ZBTB7C: variants seen among roughly 807,000 people sequenced by gnomAD.
ZBTB7C encodes zinc finger and BTB domain-containing protein 7C.
ZBTB7C carries 8 observed loss-of-function variants against 25.7 expected under a neutral mutation model. The ratio of observed to expected loss-of-function variants is 0.31; its 90% confidence interval spans 0.18 to 0.56. ZBTB7C has a LOEUF of 0.56. Ranked by LOEUF, ZBTB7C falls within the 20% of genes least tolerant of loss-of-function variation. The probability of loss-of-function intolerance (pLI) is 0.91; values close to 1 mark genes in which losing one functional copy is unlikely to be tolerated. For missense variants in ZBTB7C, 824 were observed against 855.2 expected (o/e 0.96, Z 0.46); for synonymous variants, 394 against 369.0 (o/e 1.07, Z -0.78).
chr18:48,114,582 C>T (rs1041364054), intron 3 of ZBTB7C, among the ~76,000 whole-genome samples: 2 of 151,252 alleles, frequency 1.3e-5, no homozygotes, highest in African/African-American at 4.9e-5. Context: ...GCCTGGGCAA[C>T]AGAGAAAAAC....
chr18:48,396,279 T>C (rs926400667), intron 1 of ZBTB7C, among the ~76,000 whole-genome samples: 3 of 152,210 alleles, frequency 2.0e-5, no homozygotes, highest in South Asian at 2.1e-4. Flanking sequence ...TTGGAAATTA[T>C]CCAGATTAGG....
chr18:48,302,336 A>G (rs1164494731), intron 2 of ZBTB7C, among the ~76,000 whole-genome samples: 3 of 152,132 alleles, frequency 2.0e-5, no homozygotes, highest in African/African-American at 7.2e-5. Flanking sequence ...TCCCTTGGCC[A>G]TTTCCACTAA....
intron 2 of ZBTB7C, among the ~76,000 whole-genome samples, chr18:48,259,860 C>T (rs1407156673): frequency 1.3e-5 from 2 of 152,146 alleles, no homozygotes; most frequent in Admixed American, 6.5e-5. Context: ...ACTGCAAATA[C>T]GAAATGTCGA....
intron 2 of ZBTB7C, among the ~76,000 whole-genome samples, chr18:48,215,495 C>T (rs1435820838): frequency 3.9e-5 from 6 of 152,142 alleles, no homozygotes; most frequent in African/African-American, 1.4e-4. Context: ...CAACTTGAAG[C>T]AGTGAATTAC....
chr18:48,139,502 G>A (rs1230148081), intron 3 of ZBTB7C, among the ~76,000 whole-genome samples: 2 of 152,108 alleles, frequency 1.3e-5, no homozygotes, highest in Non-Finnish European at 2.9e-5. Context: ...GGAGTGTCTG[G>A]GTAGGCTATG....
intron 3 of ZBTB7C, among the ~76,000 whole-genome samples, chr18:48,053,422 T>G (rs2036776634): frequency 6.6e-6 from 1 of 152,226 alleles, no homozygotes; most frequent in South Asian, 2.1e-4. Context: ...TTCCTTCACC[T>G]TTGACTGAAT....
At chr18:48,387,722 C>T (rs1342680097) in intron 1 of ZBTB7C, among the ~76,000 whole-genome samples, 1 of 152,190 alleles carries the variant, frequency 6.6e-6, no homozygotes, top group Non-Finnish European at 1.5e-5. Context: ...TCAGAAGCGG[C>T]AAACCAGCTG....
intron 3 of ZBTB7C, among the ~76,000 whole-genome samples, chr18:48,164,538 G>T (rs1357560566): frequency 6.6e-6 from 1 of 152,170 alleles, no homozygotes; most frequent in Non-Finnish European, 1.5e-5. Flanking sequence ...CCATGGTTCA[G>T]ATCAAGTGCT....
intron 1 of ZBTB7C, among the ~76,000 whole-genome samples, chr18:48,367,175 T>TTTTATATATA (rs1247008733): frequency 1.1e-4 from 7 of 62,278 alleles, no homozygotes; most frequent in South Asian, 8.1e-4. Context: ...TCCCCAAGTT[T>TTTTATATATA]TATATATATA....
intron 2 of ZBTB7C, among the ~76,000 whole-genome samples, chr18:48,224,238 A>G (rs1483560529): frequency 6.6e-6 from 1 of 152,238 alleles, no homozygotes; most frequent in African/African-American, 2.4e-5. Flanking sequence ...CTATGCATCC[A>G]TACTCATAGG....
intron 3 of ZBTB7C, among the ~76,000 whole-genome samples, chr18:48,172,106 T>C (rs762689761): frequency 6.6e-6 from 1 of 152,146 alleles, no homozygotes; most frequent in Non-Finnish European, 1.5e-5. Context: ...CTGAAACCTA[T>C]TGTGTAGGCT....
chr18:48,029,107 C>T lies in ZBTB7C; in HGVS notation c.*153G>A, dbSNP rs1180944264. On this transcript the variant is annotated 3_prime_UTR_variant, in exon 5 of 5. Coordinates refer to ENST00000590800, the MANE Select transcript of ZBTB7C (RefSeq NM_001318841.2). ...AAAGGAGGCAGCTGCTTTAGGAGCC[C>T]GGGAAAATGCCATCACTGATAGTAT... 6.0e-6 allele frequency: 7 copies of T among 1,159,566 alleles called. No individual in the cohort carries two copies. Among genetic ancestry groups the T allele is most frequent in the Non-Finnish European group, 8.0e-6 (7 of 870,862 alleles). 71.8% of individuals were successfully genotyped at this position (1,159,566 alleles called of 1,614,324 possible).
intron 2 of ZBTB7C, among the ~76,000 whole-genome samples, chr18:48,307,859 A>T (rs2144776645): frequency 6.6e-6 from 1 of 152,258 alleles, no homozygotes; most frequent in African/African-American, 2.4e-5. Context: ...AAATAAATAA[A>T]TAAATAAATA....
chr18:48,318,584 G>A (rs1429712777), intron 2 of ZBTB7C, among the ~76,000 whole-genome samples: 1 of 152,224 alleles, frequency 6.6e-6, no homozygotes, highest in Non-Finnish European at 1.5e-5. Flanking sequence ...GCTCACAGGA[G>A]CCCAACACTG....
In ZBTB7C at chr18:48,027,299, T is replaced by C. The variant is rs980624973; in HGVS notation, c.*1961A>G. On this transcript the variant is annotated 3_prime_UTR_variant, in exon 5 of 5. Transcript: ENST00000590800. ...GAAAAATTGAGTTTATAAGAAGTCA[T>C]CACCTTTACAAAATAAAAACAAAAG... is the stretch of plus-strand genomic sequence containing the variant. 7 of 151,214 alleles carry C rather than the reference T, an allele frequency of 4.6e-5. No homozygotes were observed. The East Asian group carries it at 1.4e-3, about 29-fold the overall frequency. The allele number at this position is 151,214 out of a possible 1,614,324, so 9.4% of individuals were successfully genotyped here. A position where few individuals can be genotyped will look rare whatever the true frequency, so the allele number is the denominator to read the frequency against.
At chr18:48,086,761 T>G (rs941686723) in intron 3 of ZBTB7C, among the ~76,000 whole-genome samples, 1 of 152,238 alleles carries the variant, frequency 6.6e-6, no homozygotes, top group East Asian at 1.9e-4. Context: ...TAGTACTTAT[T>G]GTTAAGTGAA....
chr18:48,153,362 C>T (rs925274267), intron 3 of ZBTB7C, among the ~76,000 whole-genome samples: 3 of 152,164 alleles, frequency 2.0e-5, no homozygotes, highest in Admixed American at 2.0e-4. Flanking sequence ...TGCCTGAGGT[C>T]AGCTAATAGA....
chr18:48,155,318 C>CTTTTT lies in ZBTB7C; in HGVS notation c.-17+30611_-17+30615dup, dbSNP rs578058729. 5.1e-4 allele frequency among the ~76,000 whole-genome samples: 40 copies of CTTTTT among 78,042 alleles called. 3 individuals are homozygous for CTTTTT. Among genetic ancestry groups the CTTTTT allele is most frequent in the Non-Finnish European group, 7.7e-4 (33 of 42,722 alleles). The allele number at this position is 78,042 out of a possible 152,430, so 51.2% of individuals were successfully genotyped here. On this transcript the variant is annotated intron_variant, in intron 3 of 4. Transcript: ENST00000590800. ...GAGGATTCCCTGTAACTGTAATATT[C>CTTTTT]TTTTTTTTTTTTTTTTTTTTTTTTT...
Position 48,336,108 on chromosome 18 carries a change from C to T in ZBTB7C, c.-79+2066G>A, listed in dbSNP as rs368170078. Among the ~76,000 whole-genome samples the T allele has an allele frequency of 1.2e-4, 18 of 152,358 alleles. No homozygotes were observed. The South Asian group carries it at 3.7e-3, about 32-fold the overall frequency. On this transcript the variant is annotated intron_variant, in intron 2 of 4. Transcript: ENST00000590800. ...CTTCTCTAAATTCCTGGACCCACCC[C>T]TCCTGCCTCCAGTCTTTCTGTGTGC...
Sources: gnomAD v4.1 joint callset for allele counts (sites outside exome capture counted in the v4.1 genomes callset) on GRCh38, gnomAD v4.1.1 for gene constraint, MANE v1.5 for transcripts, NCBI Gene and HGNC (gene_info 2026-07-23, HGNC 2026-07-21) for gene names.